The following CAPRIN2 variants were observed in gnomAD, a reference collection of about 807,000 sequenced individuals.
CAPRIN2 encodes the protein caprin family member 2.
Under a neutral mutation model 130.4 loss-of-function variants are expected in CAPRIN2, and 66 were observed. That is an observed-to-expected ratio of 0.51 (90% confidence interval 0.42 to 0.62). The LOEUF is 0.62. CAPRIN2 is among the 20% of genes least tolerant of loss of function. CAPRIN2 has a pLI of 0.00. For synonymous variants in CAPRIN2, 471 were observed against 444.1 expected, an observed-to-expected ratio of 1.06 and a Z score of -0.76; for missense variants, 1,185 against 1,246.6, an observed-to-expected ratio of 0.95 and a Z score of 0.74.
chr12:30,714,440 C>A (rs2056677157), intron 14 of CAPRIN2, among the ~76,000 whole-genome samples: 1 of 152,170 alleles, frequency 6.6e-6, no homozygotes, highest in Non-Finnish European at 1.5e-5. Flanking sequence ...ATTTTGGCAT[C>A]CCAAAGTAAT....
At chr12:30,744,383 A>G (rs1408624786) in intron 2 of CAPRIN2, among the ~76,000 whole-genome samples, 23 of 152,204 alleles carry the variant, frequency 1.5e-4, no homozygotes, top group Non-Finnish European at 1.0e-4. Context: ...TTTGGGAAAA[A>G]GTAATTTTCA....
chr12:30,753,800 G>C (rs776632912), exon 1 of CAPRIN2: 1 of 1,556,128 alleles, frequency 6.4e-7, no homozygotes, highest in South Asian at 1.2e-5. Flanking sequence ...TAGCCAATAA[G>C]GATAGCCTTT....
intron 2 of CAPRIN2, among the ~76,000 whole-genome samples, chr12:30,743,737 A>T (rs10771763): frequency 0.31 from 47,774 of 151,966 alleles, 8,230 homozygotes; most frequent in African/African-American, 0.45. Flanking sequence ...GCCTGACCCT[A>T]ATAAGCACAC....
At chr12:30,744,754 AC>A (rs1289350932) in intron 2 of CAPRIN2, among the ~76,000 whole-genome samples, 2 of 152,028 alleles carry the variant, frequency 1.3e-5, no homozygotes, top group African/African-American at 4.8e-5. Context: ...TACATTATAG[AC>A]TCCATGTGGT....
Position 30,710,007 on chromosome 12 carries a change from C to G in CAPRIN2, c.3129G>C (p.Gln1043His), listed in dbSNP as rs2136212103. 1 of 1,614,096 alleles carries G rather than the reference C, an allele frequency of 6.2e-7. No homozygotes were observed. Among genetic ancestry groups the G allele is most frequent in the Non-Finnish European group, 8.5e-7 (1 of 1,180,016 alleles). ...ACCATATCTGGTCTCCCTGGAAGAGCTGAAGAATTGCATGATTGCTAGCAG... is the reference window on the plus strand; with the variant it reads ...ACCATATCTGGTCTCCCTGGAAGAGGTGAAGAATTGCATGATTGCTAGCAG... The change falls in exon 17 of 17, where the codon CAG becomes CAC. Residue 1043 changes from glutamine (Q) to histidine (H), a missense_variant. By Grantham distance (24) the Gln-to-His change is conservative (BLOSUM62 0). Around this residue, in one of 2 missense-constraint regions of CAPRIN2, gnomAD observed 81 missense variants for 142.2 expected, o/e 0.57. Transcript: ENST00000298892. The surrounding 1 kb of genome is among the most constrained non-coding windows in gnomAD (Gnocchi z 4.8).
intron 10 of CAPRIN2, among the ~76,000 whole-genome samples, chr12:30,724,120 A>T (rs2060203435): frequency 6.6e-6 from 1 of 152,210 alleles, no homozygotes; most frequent in South Asian, 2.1e-4. Flanking sequence ...TAAATTACAA[A>T]AACAGCTATT....
intron 2 of CAPRIN2, among the ~76,000 whole-genome samples, chr12:30,749,720 T>G (rs2072746388): frequency 6.6e-6 from 1 of 152,196 alleles, no homozygotes; most frequent in Non-Finnish European, 1.5e-5. Context: ...AAGTGTCGGA[T>G]AGGCAACTGG....
At chr12:30,734,434 C>CA (rs1167191090) in intron 4 of CAPRIN2, among the ~76,000 whole-genome samples, 5 of 152,266 alleles carry the variant, frequency 3.3e-5, no homozygotes, top group Non-Finnish European at 5.9e-5. Flanking sequence ...GAAAAAAAAT[C>CA]AGACAGCCCC....
intron 12 of CAPRIN2, among the ~76,000 whole-genome samples, chr12:30,718,735 G>A (rs1414628954): frequency 6.6e-6 from 1 of 152,220 alleles, no homozygotes; most frequent in East Asian, 1.9e-4. Flanking sequence ...AATAATACTA[G>A]TAAAGATATT....
chr12:30,719,486 T>C (rs1260889316), intron 12 of CAPRIN2: 1 of 404,168 alleles, frequency 2.5e-6, no homozygotes, highest in Non-Finnish European at 4.4e-6. Context: ...GAACTTTTTA[T>C]ACGCACCTAG....
chr12:30,716,645 C>T (rs756534335), exon 13 of CAPRIN2: 39 of 1,613,680 alleles, frequency 2.4e-5, no homozygotes, highest in Middle Eastern at 1.6e-4. Flanking sequence ...TTGTTCTTTT[C>T]GTGGAGGCAG....
At chr12:30,739,500 A>G (rs1404301486) in intron 3 of CAPRIN2, among the ~76,000 whole-genome samples, 3 of 152,208 alleles carry the variant, frequency 2.0e-5, no homozygotes, top group Non-Finnish European at 4.4e-5. Context: ...ACAAATCCCC[A>G]TGACATGAGT....
At chr12:30,753,914 G>A (rs2075178045) in exon 1 of CAPRIN2, 1 of 683,632 alleles carries the variant, frequency 1.5e-6, no homozygotes, top group Non-Finnish European at 2.5e-6. Context: ...TTCTCATGAG[G>A]GCAGATCACA....
At chr12:30,743,680 G>C (rs1404768156) in intron 2 of CAPRIN2, among the ~76,000 whole-genome samples, 1 of 152,154 alleles carries the variant, frequency 6.6e-6, no homozygotes, top group African/African-American at 2.4e-5. Context: ...TCACAAAGAT[G>C]CTGTACAATT....
intron 2 of CAPRIN2, among the ~76,000 whole-genome samples, chr12:30,747,195 C>T (rs1308950452): frequency 1.3e-5 from 2 of 152,084 alleles, no homozygotes; most frequent in Non-Finnish European, 2.9e-5. Flanking sequence ...ATTTTAAGCC[C>T]ACTGTTGAGA....
exon 8 of CAPRIN2, chr12:30,729,083 G>C (rs1391743123): frequency 6.2e-6 from 10 of 1,614,048 alleles, no homozygotes; most frequent in Non-Finnish European, 8.5e-6. Context: ...GAGTAGACCT[G>C]AGTTTTGAGG....
chr12:30,715,753 A>G (rs2057340879), intron 13 of CAPRIN2: 1 of 197,366 alleles, frequency 5.1e-6, no homozygotes, highest in Non-Finnish European at 1.0e-5. Context: ...ATTCTAATTA[A>G]TATCTGAGAA....
chr12:30,753,589 G>A lies in CAPRIN2; in HGVS notation c.175C>T (p.Gln59Ter), dbSNP rs995683420. Residue 59 changes from glutamine to a stop codon, truncating the protein, a stop_gained, in exon 1 of 17, where the codon CAA becomes TAA. Coordinates refer to ENST00000298892, the Ensembl canonical transcript of CAPRIN2. LOFTEE classifies it high-confidence loss of function. ...TAACCAAAAGGGGATGAAAAGAGTTGCACCATTGAAACAGATGAGGCTGAA... is the reference window on the plus strand; with the variant it reads ...TAACCAAAAGGGGATGAAAAGAGTTACACCATTGAAACAGATGAGGCTGAA... 4 of 1,614,126 alleles carry A rather than the reference G, an allele frequency of 2.5e-6. No homozygotes were observed. Among genetic ancestry groups the A allele is most frequent in the Non-Finnish European group, 3.4e-6 (4 of 1,180,022 alleles).
intron 3 of CAPRIN2, 79 bp from the exon 5 acceptor site, chr12:30,735,285 C>A (rs1472295406): frequency 9.6e-7 from 1 of 1,037,310 alleles, no homozygotes; most frequent in Non-Finnish European, 1.5e-6. Flanking sequence ...AAAGTCTAAA[C>A]CCAAATAGCT....
Sources: allele counts gnomAD v4.1 joint callset (sites outside exome capture counted in the v4.1 genomes callset), GRCh38; gene constraint gnomAD v4.1.1; regional missense constraint gnomAD v4.1.1; non-coding constraint Gnocchi (gnomAD v3.1); transcripts MANE v1.5; gene names NCBI Gene and HGNC (gene_info 2026-07-23, HGNC 2026-07-21).